KLHL22: variants seen among roughly 807,000 people sequenced by gnomAD.
KLHL22 encodes kelch like family member 22, also known as kelch-like protein 22.
In KLHL22, 18 loss-of-function variants were observed where a neutral mutation model predicts 60.7. That is an observed-to-expected ratio of 0.30 (90% CI 0.20 to 0.44). The LOEUF is 0.44. Ranked by LOEUF, KLHL22 falls within the 20% of genes least tolerant of loss-of-function variation. The pLI is 1.00. For missense variants in KLHL22, 596 were observed against 852.3 expected, an observed-to-expected ratio of 0.70 and a Z score of 3.74; for synonymous variants, 355 against 354.5, an observed-to-expected ratio of 1.00 and a Z score of -0.01.
Position 20,454,768 on chromosome 22 carries a change from C to T in KLHL22, c.1305+3040G>A, listed in dbSNP as rs1220912022. Among the ~76,000 whole-genome samples, 4 of 152,204 alleles carry T rather than the reference C, an allele frequency of 2.6e-5. 1 individual carries two copies. Among genetic ancestry groups the T allele is most frequent in the South Asian group, 4.1e-4 (2 of 4,834 alleles). ...AGAACTGACATTCTTACTATTCTTA[C>T]TCTTCCAATCCATGGACTTGGTATG... On this transcript the variant is annotated intron_variant, in intron 5 of 6. Coordinates refer to ENST00000328879, the MANE Select transcript of KLHL22 (RefSeq NM_032775.4).
chr22:20,447,798 T>C (rs534317716), intron 5 of KLHL22, among the ~76,000 whole-genome samples: 132 of 152,266 alleles, frequency 8.7e-4, no homozygotes, highest in African/African-American at 3.1e-3. Flanking sequence ...GCCTCGGCCT[T>C]CCAAAGTGCT....
chr22:20,450,547 A>G (rs1601327747), intron 5 of KLHL22: 1 of 1,613,748 alleles, frequency 6.2e-7, no homozygotes, highest in Middle Eastern at 1.6e-4. Context: ...TTTTGCTGAA[A>G]CCCACAATTG....
chr22:20,489,980 G>A (rs1029732213), intron 1 of KLHL22: 2 of 356,714 alleles, frequency 5.6e-6, no homozygotes, highest in Non-Finnish European at 1.1e-5. Context: ...ACCGCAAACT[G>A]ATTTGAATTG....
intron 2 of KLHL22, among the ~76,000 whole-genome samples, chr22:20,481,706 C>T (rs996190557): frequency 2.6e-5 from 4 of 152,186 alleles, no homozygotes; most frequent in African/African-American, 4.8e-5. Flanking sequence ...CAGGCTCAAG[C>T]AATCCTCTCA....
In KLHL22 at chr22:20,481,649, T is replaced by C. The variant is rs560328761; in HGVS notation, c.227+7336A>G. On this transcript the variant is annotated intron_variant, in intron 2 of 6. Coordinates refer to ENST00000328879, the MANE Select transcript of KLHL22 (RefSeq NM_032775.4). ...TTGCTCTGTCGCGCAAGCTGGACTG[T>C]AGTGGGACCATCTTGGCTTGGCTCG... 1.0e-3 allele frequency among the ~76,000 whole-genome samples: 155 copies of C among 152,316 alleles called. 1 individual carries two copies. The highest frequency in any genetic ancestry group is 3.0e-3 in the African/African-American group (123 of 41,570).
At chr22:20,464,510 C>T (rs2053200144) in intron 4 of KLHL22, among the ~76,000 whole-genome samples, 1 of 152,128 alleles carries the variant, frequency 6.6e-6, no homozygotes, top group African/African-American at 2.4e-5. Context: ...CTCCTAGGTC[C>T]TCTCCATCCC....
intron 2 of KLHL22, among the ~76,000 whole-genome samples, chr22:20,476,587 G>A (rs1418688709): frequency 6.7e-6 from 1 of 149,502 alleles, no homozygotes; most frequent in African/African-American, 2.5e-5. Context: ...CTAATTTTTT[G>A]TATTTTTAGT....
At chr22:20,485,817 G>A (rs546600330) in intron 2 of KLHL22, among the ~76,000 whole-genome samples, 20 of 151,974 alleles carry the variant, frequency 1.3e-4, no homozygotes, top group Middle Eastern at 3.4e-3. Context: ...GCAGTGAGCC[G>A]AGATTGCCCC....
intron 2 of KLHL22, among the ~76,000 whole-genome samples, chr22:20,474,289 G>A (rs554434649): frequency 2.0e-5 from 3 of 152,318 alleles, no homozygotes; most frequent in East Asian, 3.9e-4. Flanking sequence ...GTGAGCCACT[G>A]CACCCAGCCC....
At position 20,495,089 on chromosome 22, in the gene KLHL22, G is replaced by A. The variant is rs2053748409; in HGVS notation, c.-34+671C>T. Among the ~76,000 whole-genome samples the A allele has an allele frequency of 6.6e-6, 1 of 152,196 alleles. No homozygotes were observed. Among genetic ancestry groups the A allele is most frequent in the South Asian group, 2.1e-4 (1 of 4,836 alleles). On this transcript the variant is annotated intron_variant, in intron 1 of 6. Transcript: ENST00000328879. This position sits in a 1 kb window ranked among gnomAD's most constrained non-coding sequence, Gnocchi z 4.6. ...CCAGGGAGCCGTCTTGGAGGCACTC[G>A]GCCCCGCGGAGGGCCGGAGCGAGGG...
intron 2 of KLHL22, chr22:20,483,130 C>A: frequency 3.2e-6 from 2 of 634,412 alleles, no homozygotes. Flanking sequence ...AGGCCTCCAC[C>A]TCCCTGAGGC....
chr22:20,494,595 A>G (rs1447512689), intron 1 of KLHL22, among the ~76,000 whole-genome samples: 1 of 151,880 alleles, frequency 6.6e-6, no homozygotes. Flanking sequence ...TGGCCAGGCT[A>G]GTCTCTCCTG....
chr22:20,483,005 T>C (rs1445250096), intron 2 of KLHL22: 2 of 698,810 alleles, frequency 2.9e-6, no homozygotes, highest in African/African-American at 1.7e-5. Context: ...GACCTTAACG[T>C]TCACCAGGGC....
intron 2 of KLHL22, among the ~76,000 whole-genome samples, chr22:20,479,809 C>T (rs1050103069): frequency 1.1e-4 from 17 of 152,170 alleles, no homozygotes; most frequent in African/African-American, 3.6e-4. Context: ...CTGCTATGTT[C>T]CTCAGAAAAT....
chr22:20,485,725 G>A (rs1028455715), intron 2 of KLHL22, among the ~76,000 whole-genome samples: 3 of 151,950 alleles, frequency 2.0e-5, no homozygotes, highest in Non-Finnish European at 4.4e-5. Context: ...AAAATTAGCC[G>A]GGTTTGGTGG....
At chr22:20,488,821 G>A in intron 2 of KLHL22, 164 bp downstream of exon 2, 1 of 639,996 alleles carries the variant, frequency 1.6e-6, no homozygotes. Flanking sequence ...TGAACTCTAA[G>A]ACCCCCTTCT....
intron 4 of KLHL22, 43 bp from the exon 5 acceptor site, chr22:20,458,043 G>C: frequency 6.2e-7 from 1 of 1,605,206 alleles, no homozygotes; most frequent in Non-Finnish European, 8.5e-7. Context: ...ACTAGGCAGG[G>C]AGGCTGCTCC....
intron 4 of KLHL22, among the ~76,000 whole-genome samples, chr22:20,462,161 C>T (rs946109131): frequency 4.0e-5 from 6 of 150,692 alleles, no homozygotes; most frequent in African/African-American, 9.8e-5. Context: ...CCTGTAATCC[C>T]AGCTATTCAG....
At chr22:20,451,788 C>T in intron 5 of KLHL22, 3 of 1,600,288 alleles carry the variant, frequency 1.9e-6, no homozygotes, top group Non-Finnish European at 2.6e-6. Flanking sequence ...GAACCCAGCG[C>T]TGTGATGCTG....
Sources: gnomAD v4.1 joint callset for allele counts (sites outside exome capture counted in the v4.1 genomes callset) on GRCh38, gnomAD v4.1.1 for gene constraint, Gnocchi (gnomAD v3.1) non-coding constraint, MANE v1.5 for transcripts, NCBI Gene and HGNC (gene_info 2026-07-23, HGNC 2026-07-21) for gene names.